CDON: variants seen among roughly 807,000 people sequenced by gnomAD.
The protein encoded by CDON is cell adhesion molecule-related/down-regulated by oncogenes.
CDON carries 73 observed loss-of-function variants against 120.9 expected under a neutral mutation model. The ratio of observed to expected loss-of-function variants is 0.60; its 90% CI spans 0.50 to 0.73. The LOEUF (loss-of-function observed/expected upper bound fraction) is 0.73, where lower values mean the gene tolerates loss of function less well. CDON is among the 30% of genes least tolerant of loss of function. The pLI is 0.00. For synonymous variants in CDON, 566 were observed against 573.5 expected, an observed-to-expected ratio of 0.99 and a Z score of 0.19; for missense variants, 1,470 against 1,587.3, an observed-to-expected ratio of 0.93 and a Z score of 1.26.
In CDON at chr11:126,012,089, A is replaced by G. The variant is rs867917491; in HGVS notation, c.1199-1395T>C. Among the ~76,000 whole-genome samples the G allele has an allele frequency of 2.1e-4, 32 of 152,294 alleles. 1 individual carries two copies. Among genetic ancestry groups the G allele is most frequent in the Middle Eastern group, 6.8e-3 (2 of 294 alleles). ...TTCTTAATTACTACAGATATTTTAG[A>G]TGTTTAAGGCAAGTCTCCCATGTTC... is the stretch of plus-strand genomic sequence containing the variant. On this transcript the variant is annotated intron_variant, in intron 7 of 19. Transcript: ENST00000531738.
intron 1 of CDON, among the ~76,000 whole-genome samples, chr11:126,048,113 C>T (rs765116018): frequency 6.6e-6 from 1 of 151,878 alleles, no homozygotes; most frequent in Non-Finnish European, 1.5e-5. Flanking sequence ...CTCGTCTTTA[C>T]TAAAAATACA....
At chr11:126,027,364 T>C (rs982114384) in intron 1 of CDON, among the ~76,000 whole-genome samples, 1 of 152,206 alleles carries the variant, frequency 6.6e-6, no homozygotes, top group Non-Finnish European at 1.5e-5. Flanking sequence ...GTATATCCAT[T>C]AGTACTACTG....
At chr11:126,043,751 TC>T (rs1948329015) in intron 1 of CDON, among the ~76,000 whole-genome samples, 1 of 152,188 alleles carries the variant, frequency 6.6e-6, no homozygotes, top group African/African-American at 2.4e-5. Flanking sequence ...TGCGCTTACA[TC>T]CACTCACTTC....
Position 125,995,012 on chromosome 11 carries a change from A to C in CDON, c.2403T>G (p.Tyr801Ter), listed in dbSNP as rs777130955. The C allele has an allele frequency of 5.0e-6, 8 of 1,614,202 alleles. No individual in the cohort carries two copies. Among genetic ancestry groups the C allele is most frequent in the Non-Finnish European group, 6.8e-6 (8 of 1,180,016 alleles). ...ATGCTGAACTCCGAAAACTCTCACC[A>C]TAATGGTTGATGGCAATGACCCTAA... ...YKFRVIAINH[Y>*]GESFRSSASR... The change falls in exon 13 of 20, where the codon TAT becomes TAG. Residue 801 changes from tyrosine to a stop codon, truncating the protein, a stop_gained. Transcript: ENST00000531738. LOFTEE classifies it high-confidence loss of function.
intron 14 of CDON, among the ~76,000 whole-genome samples, chr11:125,993,153 T>C (rs1436697386): frequency 1.3e-5 from 2 of 152,216 alleles, no homozygotes; most frequent in East Asian, 3.8e-4. Context: ...AGCTATCGTG[T>C]TGCTTCTGCT....
Position 126,019,751 on chromosome 11 carries a change from C to G in CDON, c.364G>C (p.Gly122Arg). The G allele has an allele frequency of 6.2e-7, 1 of 1,612,440 alleles. No individual in the cohort carries two copies. Among genetic ancestry groups the G allele is most frequent in the African/African-American group, 1.3e-5 (1 of 74,938 alleles). ...TVSVAVLGDF[G>R]SSTKHVITAE... is the part of the protein sequence containing the mutation. ...GTAATAACATGCTTTGTGGATGAAC[C>G]AAAATCACCAAGAACTGAAATATAT... Residue 122 changes from glycine (G) to arginine (R), a missense_variant, in exon 4 of 20, where the codon GGT (glycine) becomes CGT (arginine). By Grantham distance (125) the Gly-to-Arg change is moderately radical (BLOSUM62 -2). Coordinates refer to ENST00000531738, the MANE Select transcript of CDON (RefSeq NM_001378964.1).
Position 125,961,067 on chromosome 11 carries a change from C to A in CDON, c.3670G>T (p.Val1224Leu), listed in dbSNP as rs1218006905. 6.2e-7 allele frequency: 1 copy of A among 1,613,976 alleles called. No homozygotes were observed. The highest frequency in any genetic ancestry group is 8.5e-7 in the Non-Finnish European group (1 of 1,179,938). ...CAHSETEINI[V>L]SWNALILPPV... ...GGCAAAATAAGAGCATTCCAACTTACAATGTTGATCTCTGTTTCTGAATGG... is the reference window on the plus strand; with the variant it reads ...GGCAAAATAAGAGCATTCCAACTTAAAATGTTGATCTCTGTTTCTGAATGG... The change falls in exon 20 of 20, where the codon GTA (valine) becomes TTA (leucine). Residue 1224 changes from valine to leucine, a missense_variant. Coordinates refer to ENST00000531738, the MANE Select transcript of CDON (RefSeq NM_001378964.1).
chr11:126,052,350 A>G (rs1345229970), intron 1 of CDON, among the ~76,000 whole-genome samples: 4 of 152,332 alleles, frequency 2.6e-5, no homozygotes, highest in Admixed American at 6.5e-5. Context: ...AAGTATGCCT[A>G]ATTTTCAATA....
chr11:126,027,969 C>CTTTTTT (rs769832631), intron 1 of CDON, among the ~76,000 whole-genome samples: 53 of 125,746 alleles, frequency 4.2e-4, no homozygotes, highest in East Asian at 1.6e-3. Context: ...ATCACTCTGC[C>CTTTTTT]TTTTTTTTTT....
At chr11:125,971,408 A>T (rs1363995689) in intron 18 of CDON, among the ~76,000 whole-genome samples, 1 of 146,376 alleles carries the variant, frequency 6.8e-6, no homozygotes, top group African/African-American at 2.7e-5. Flanking sequence ...ATAAATAAAT[A>T]AATAATAATA....
intron 11 of CDON, among the ~76,000 whole-genome samples, chr11:126,001,195 CTT>C (rs35347300): frequency 0.36 from 48,443 of 135,878 alleles, 8,204 homozygotes; most frequent in African/African-American, 0.41. Flanking sequence ...CTTCCTTTTT[CTT>C]TTTTTTTTTT....
chr11:125,997,133 C>G, intron 12 of CDON, 74 bp downstream of exon 12: 3 of 1,188,558 alleles, frequency 2.5e-6, no homozygotes, highest in Non-Finnish European at 3.7e-6. Context: ...GAGTGAGACC[C>G]TGTCTCAAAA....
chr11:126,049,391 T>C (rs1486529596), intron 1 of CDON, among the ~76,000 whole-genome samples: 1 of 152,200 alleles, frequency 6.6e-6, no homozygotes, highest in Admixed American at 6.5e-5. Context: ...TTCTGTAGTA[T>C]ATACATCTCC....
At chr11:125,975,910 T>C (rs1946138191) in intron 18 of CDON, among the ~76,000 whole-genome samples, 1 of 152,200 alleles carries the variant, frequency 6.6e-6, no homozygotes. Context: ...TGTTTTGTTT[T>C]GTTTGACTGA....
At chr11:126,008,957 T>A (rs1947209811) in intron 8 of CDON, among the ~76,000 whole-genome samples, 1 of 152,242 alleles carries the variant, frequency 6.6e-6, no homozygotes, top group Admixed American at 6.5e-5. Context: ...GAGGGCTTTC[T>A]ATTGCCAGAC....
intron 6 of CDON, 138 bp from the exon 7 acceptor site, chr11:126,015,648 C>T: frequency 1.1e-6 from 1 of 894,432 alleles, no homozygotes; most frequent in Non-Finnish European, 1.7e-6. Context: ...CTTCTGTCTG[C>T]TGTGGTAATC....
At chr11:126,040,598 A>G (rs963670090) in intron 1 of CDON, among the ~76,000 whole-genome samples, 26 of 151,768 alleles carry the variant, frequency 1.7e-4, no homozygotes, top group East Asian at 7.8e-4. Flanking sequence ...GGCGGATCAC[A>G]AGGTCAGGAG....
intron 18 of CDON, among the ~76,000 whole-genome samples, chr11:125,973,018 C>CTTTTGTTTTTTTTTTTTTTTT (rs1946047312): frequency 2.3e-5 from 2 of 87,070 alleles, no homozygotes; most frequent in Admixed American, 1.4e-4. Flanking sequence ...ATTACTTGGT[C>CTTTTGTTTTTTTTTTTTTTTT]TTTTTTTTTT....
chr11:125,985,925 A>C (rs1946446713), intron 15 of CDON, among the ~76,000 whole-genome samples: 1 of 152,204 alleles, frequency 6.6e-6, no homozygotes, highest in Non-Finnish European at 1.5e-5. Context: ...TCAAGGATCT[A>C]GAAATAGAAA....
Sources: allele counts gnomAD v4.1 joint callset (sites outside exome capture counted in the v4.1 genomes callset), GRCh38; gene constraint gnomAD v4.1.1; transcripts MANE v1.5; gene names NCBI Gene and HGNC (gene_info 2026-07-23, HGNC 2026-07-21).